The following PEAK1 variants were observed in gnomAD, a reference collection of about 807,000 sequenced individuals.
PEAK1 encodes the protein pseudopodium enriched atypical kinase 1, also known as inactive tyrosine-protein kinase PEAK1.
A neutral mutation model predicts 124.7 loss-of-function variants in PEAK1; 54 were observed. The ratio of observed to expected loss-of-function variants is 0.43; its 90% CI spans 0.35 to 0.54. The LOEUF is 0.54. PEAK1 is among the 20% of genes least tolerant of loss of function. PEAK1 has a pLI of 0.01. For synonymous variants in PEAK1, 719 were observed against 760.0 expected, an observed-to-expected ratio of 0.95 and a Z score of 0.89; for missense variants, 2,046 against 2,134.5, an observed-to-expected ratio of 0.96 and a Z score of 0.82.
At chr15:77,125,498 A>ATGTG (rs539532020) in intron 9 of PEAK1, among the ~76,000 whole-genome samples, 8 of 150,286 alleles carry the variant, frequency 5.3e-5, no homozygotes, top group African/African-American at 1.7e-4. Context: ...GTGTGTGTGT[A>ATGTG]TGTGTGTGTG....
chr15:77,201,471 C>T (rs996623288), intron 6 of PEAK1, among the ~76,000 whole-genome samples: 7 of 152,068 alleles, frequency 4.6e-5, no homozygotes, highest in African/African-American at 1.7e-4. Context: ...ATCTCCTGAC[C>T]TCGTGATCCT....
chr15:77,246,496 C>T (rs529275051), intron 6 of PEAK1, among the ~76,000 whole-genome samples: 10 of 152,062 alleles, frequency 6.6e-5, no homozygotes, highest in African/African-American at 1.7e-4. Flanking sequence ...GCCTGGGTGG[C>T]GGAGTAAGAC....
intron 8 of PEAK1, among the ~76,000 whole-genome samples, chr15:77,140,839 A>T (rs1294183708): frequency 1.3e-5 from 2 of 150,830 alleles, no homozygotes; most frequent in African/African-American, 2.4e-5. Flanking sequence ...GGCTCAAGTG[A>T]TCCTTCCACC....
intron 1 of PEAK1, among the ~76,000 whole-genome samples, chr15:77,375,868 G>A (rs930637116): frequency 2.8e-4 from 43 of 152,098 alleles, no homozygotes; most frequent in African/African-American, 8.4e-4. Context: ...ACGCGGTGGC[G>A]GGTGCCTGTA....
chr15:77,310,811 C>T (rs1191157607), intron 2 of PEAK1, among the ~76,000 whole-genome samples: 1 of 152,136 alleles, frequency 6.6e-6, no homozygotes, highest in African/African-American at 2.4e-5. Context: ...TGAAATCTAA[C>T]TGATAAATGT....
chr15:77,297,781 G>A (rs531124686), intron 2 of PEAK1, among the ~76,000 whole-genome samples: 20 of 137,820 alleles, frequency 1.5e-4, no homozygotes, highest in Middle Eastern at 4.2e-3. Context: ...AAAAAAGGCC[G>A]GGTGCGGTGG....
chr15:77,174,116 T>C (rs1054814343), intron 7 of PEAK1, among the ~76,000 whole-genome samples: 13 of 152,206 alleles, frequency 8.5e-5, no homozygotes, highest in African/African-American at 3.1e-4. Flanking sequence ...CCCCTATTTG[T>C]TCCAGGGCCT....
chr15:77,171,620 T>C (rs2056514022), intron 7 of PEAK1, among the ~76,000 whole-genome samples: 1 of 152,168 alleles, frequency 6.6e-6, no homozygotes, highest in East Asian at 1.9e-4. Context: ...TATGGCACTG[T>C]AGGATGACTA....
chr15:77,275,732 T>TA (rs918892220), intron 5 of PEAK1, among the ~76,000 whole-genome samples: 4 of 149,688 alleles, frequency 2.7e-5, no homozygotes, highest in African/African-American at 9.8e-5. Flanking sequence ...ATAAATAAAA[T>TA]AAAAAAATTT....
At chr15:77,375,724 G>A (rs573515354) in intron 1 of PEAK1, among the ~76,000 whole-genome samples, 3 of 152,238 alleles carry the variant, frequency 2.0e-5, no homozygotes, top group Non-Finnish European at 2.9e-5. Context: ...GGCCAGGCGC[G>A]GTGGCTCACG....
chr15:77,402,274 G>A (rs1378993165), intron 1 of PEAK1: 5 of 984,678 alleles, frequency 5.1e-6, no homozygotes, highest in South Asian at 9.4e-5. Context: ...AAGGTTTTCA[G>A]TAATAGAATT....
At chr15:77,165,047 G>A (rs542699207) in intron 7 of PEAK1, among the ~76,000 whole-genome samples, 1 of 152,164 alleles carries the variant, frequency 6.6e-6, no homozygotes, top group Admixed American at 6.5e-5. Flanking sequence ...GGGATGACAG[G>A]TGCCCACCAC....
intron 7 of PEAK1, among the ~76,000 whole-genome samples, chr15:77,177,487 C>T (rs985519541): frequency 6.7e-6 from 1 of 150,260 alleles, no homozygotes; most frequent in African/African-American, 2.4e-5. Flanking sequence ...AACTTCCTAG[C>T]ATTTTGCTAG....
chr15:77,264,054 AC>A (rs575642503), intron 5 of PEAK1, among the ~76,000 whole-genome samples: 68 of 152,072 alleles, frequency 4.5e-4, no homozygotes, highest in Non-Finnish European at 6.2e-4. Flanking sequence ...AAATTCAACA[AC>A]CCTTCATGCT....
intron 1 of PEAK1, among the ~76,000 whole-genome samples, chr15:77,382,983 A>T (rs1460746708): frequency 1.3e-5 from 2 of 151,536 alleles, no homozygotes; most frequent in African/African-American, 4.8e-5. Context: ...CTTCTGAATC[A>T]TCAAAATGTT....
chr15:77,412,180 C>G (rs896830654), intron 1 of PEAK1, among the ~76,000 whole-genome samples: 4 of 152,250 alleles, frequency 2.6e-5, no homozygotes, highest in African/African-American at 9.6e-5. Flanking sequence ...CTTCTCTTCT[C>G]TAGCTACCCT....
At chr15:77,120,859 T>C (rs1028788073) in intron 9 of PEAK1, among the ~76,000 whole-genome samples, 2 of 152,150 alleles carry the variant, frequency 1.3e-5, no homozygotes, top group Admixed American at 1.3e-4. Context: ...CCACCCACTC[T>C]ACCCTCCAGG....
chr15:77,416,086 A>C (rs559408089), intron 1 of PEAK1, among the ~76,000 whole-genome samples: 36 of 152,302 alleles, frequency 2.4e-4, no homozygotes, highest in African/African-American at 8.4e-4. Context: ...AAGACATCCT[A>C]ATCACCAAGT....
intron 6 of PEAK1, among the ~76,000 whole-genome samples, chr15:77,235,726 A>C (rs2060091206): frequency 6.6e-6 from 1 of 152,188 alleles, no homozygotes; most frequent in Non-Finnish European, 1.5e-5. Context: ...TCAGACCTTC[A>C]AGGCAGCCCC....
Sources: gnomAD v4.1 joint callset for allele counts (sites outside exome capture counted in the v4.1 genomes callset) on GRCh38, gnomAD v4.1.1 for gene constraint, MANE v1.5 for transcripts, NCBI Gene and HGNC (gene_info 2026-07-23, HGNC 2026-07-21) for gene names.